The following CDC42BPA variants were observed in gnomAD, a reference collection of about 807,000 sequenced individuals.
CDC42BPA encodes the protein CDC42 binding protein kinase alpha, also known as serine/threonine-protein kinase MRCK alpha.
CDC42BPA carries 80 observed loss-of-function variants against 223.5 expected under a neutral mutation model. That is an observed-to-expected ratio of 0.36 (90% CI 0.30 to 0.43). The LOEUF (loss-of-function observed/expected upper bound fraction) is 0.43. CDC42BPA is among the 20% of genes least tolerant of loss of function. The pLI is 1.00. For missense variants in CDC42BPA, 1,743 were observed against 2,099.9 expected (o/e 0.83, Z 3.32); for synonymous variants, 694 against 718.6 (o/e 0.97, Z 0.55).
At chr1:227,015,869 CTGATT>C (rs1666128757) in intron 34 of CDC42BPA, among the ~76,000 whole-genome samples, 1 of 152,124 alleles carries the variant, frequency 6.6e-6, no homozygotes, top group Non-Finnish European at 1.5e-5. Context: ...AAGTAAGAAC[CTGATT>C]TGTTTGGCTT....
At chr1:227,007,022 G>GA (rs1215748485) in intron 34 of CDC42BPA, among the ~76,000 whole-genome samples, 2 of 152,006 alleles carry the variant, frequency 1.3e-5, no homozygotes, top group African/African-American at 4.8e-5. Context: ...GTGGTGGGGG[G>GA]ATCACAAATT....
chr1:227,181,761 C>A (rs1014708477), intron 5 of CDC42BPA, among the ~76,000 whole-genome samples: 1 of 152,034 alleles, frequency 6.6e-6, no homozygotes, highest in African/African-American at 2.4e-5. Context: ...AATGAATTTA[C>A]AAAATTAAAA....
rs372549753 is a variant in CDC42BPA, at chr1:227,000,610, G to C, written c.4975+4384C>G. On this transcript the variant is annotated intron_variant, in intron 35 of 36. Transcript: ENST00000366766. ...GGAACAACTCACCACTCAATGCATG[G>C]AGAGTAACATGCAAGACAGAAGGTG... Among the ~76,000 whole-genome samples the C allele has an allele frequency of 4.6e-5, 7 of 152,244 alleles. No individual in the cohort carries two copies. The South Asian group carries it at 1.2e-3, about 27-fold the overall frequency.
At chr1:227,229,898 T>A (rs1293061276) in intron 2 of CDC42BPA, among the ~76,000 whole-genome samples, 7 of 152,230 alleles carry the variant, frequency 4.6e-5, no homozygotes, top group Admixed American at 3.9e-4. Context: ...TTCAGAAGTT[T>A]TACTGATTAT....
chr1:227,116,211 T>C (rs1392035720), intron 12 of CDC42BPA, among the ~76,000 whole-genome samples: 1 of 152,226 alleles, frequency 6.6e-6, no homozygotes, highest in Non-Finnish European at 1.5e-5. Context: ...CACAGTATTA[T>C]AAGAAATTTG....
intron 14 of CDC42BPA, among the ~76,000 whole-genome samples, chr1:227,110,630 T>C (rs1175093621): frequency 6.6e-6 from 1 of 152,200 alleles, no homozygotes; most frequent in Non-Finnish European, 1.5e-5. Context: ...TGTACTTTAT[T>C]ATTCTTATCA....
At chr1:227,052,956 C>T (rs1464996379) in intron 21 of CDC42BPA, among the ~76,000 whole-genome samples, 1 of 152,062 alleles carries the variant, frequency 6.6e-6, no homozygotes, top group Admixed American at 6.6e-5. Context: ...CCCTTGTACT[C>T]AAAACTAAGT....
intron 5 of CDC42BPA, among the ~76,000 whole-genome samples, chr1:227,175,123 T>C (rs1180626214): frequency 2.6e-5 from 4 of 152,338 alleles, no homozygotes; most frequent in African/African-American, 9.6e-5. Context: ...GATAAATAAT[T>C]TGATTATCAG....
At chr1:227,175,424 G>A (rs1012184700) in intron 5 of CDC42BPA, among the ~76,000 whole-genome samples, 3 of 151,206 alleles carry the variant, frequency 2.0e-5, no homozygotes, top group African/African-American at 7.3e-5. Flanking sequence ...CAAACTTGAA[G>A]TCTAATTTAA....
At chr1:227,275,124 T>C (rs1686696564) in intron 1 of CDC42BPA, among the ~76,000 whole-genome samples, 1 of 152,104 alleles carries the variant, frequency 6.6e-6, no homozygotes, top group Non-Finnish European at 1.5e-5. Flanking sequence ...CATTTTTAAA[T>C]CTTAAATACT....
chr1:227,268,339 A>G (rs1344565869), intron 1 of CDC42BPA, among the ~76,000 whole-genome samples: 1 of 152,134 alleles, frequency 6.6e-6, no homozygotes, highest in African/African-American at 2.4e-5. Flanking sequence ...CCTTTACAGA[A>G]AAAGTTTGCC....
intron 1 of CDC42BPA, among the ~76,000 whole-genome samples, chr1:227,281,159 A>C (rs1687953872): frequency 6.6e-6 from 1 of 152,228 alleles, no homozygotes; most frequent in South Asian, 2.1e-4. Flanking sequence ...CAAACTGAGA[A>C]AGTTAGCCTA....
intron 35 of CDC42BPA, among the ~76,000 whole-genome samples, chr1:227,003,743 TTCTC>T (rs1251861223): frequency 6.6e-6 from 1 of 152,156 alleles, no homozygotes; most frequent in Non-Finnish European, 1.5e-5. Flanking sequence ...GCACAGTTTT[TTCTC>T]TCTATGGTCC....
intron 3 of CDC42BPA, among the ~76,000 whole-genome samples, chr1:227,207,410 A>G (rs1672972167): frequency 7.3e-6 from 1 of 137,818 alleles, no homozygotes; most frequent in Non-Finnish European, 1.5e-5. Flanking sequence ...ACATGTGCAC[A>G]TTGTGCAGGT....
chr1:227,186,783 G>C (rs1668843418), intron 5 of CDC42BPA, among the ~76,000 whole-genome samples: 1 of 152,184 alleles, frequency 6.6e-6, no homozygotes, highest in Admixed American at 6.5e-5. Context: ...TAGGCCCAGA[G>C]AGACATGAAT....
chr1:226,998,862 T>C (rs1003356995), intron 35 of CDC42BPA, among the ~76,000 whole-genome samples: 9 of 152,028 alleles, frequency 5.9e-5, no homozygotes, highest in Non-Finnish European at 1.2e-4. Context: ...ACAGGCAACC[T>C]ACAGAATGGG....
intron 10 of CDC42BPA, among the ~76,000 whole-genome samples, chr1:227,132,509 G>C (rs1657371860): frequency 7.3e-6 from 1 of 137,566 alleles, no homozygotes; most frequent in Non-Finnish European, 1.6e-5. Flanking sequence ...CGCCTGCCTT[G>C]GCCTCCCAAA....
intron 22 of CDC42BPA, among the ~76,000 whole-genome samples, chr1:227,050,015 A>G (rs1673216319): frequency 6.6e-6 from 1 of 152,200 alleles, no homozygotes; most frequent in Admixed American, 6.5e-5. Context: ...AAATCTGACT[A>G]TTTTAAAATC....
chr1:227,112,372 C>T lies in CDC42BPA; in HGVS notation c.1941G>A (p.Lys647=). ...ALAAEASKDR[K]LREQSEHYSK... ...AATAGTGCTCACTCTGTTCACGTAG[C>T]TTCCTGTCTTTAGATGCTTCAGCAG... Residue 647 remains lysine (K), a synonymous_variant, in exon 14 of 37, where the codon AAG becomes AAA. Coordinates refer to ENST00000366766, the MANE Select transcript of CDC42BPA (RefSeq NM_001394014.1). 4.4e-6 allele frequency: 7 copies of T among 1,608,792 alleles called. No individual in the cohort carries two copies. The highest frequency in any genetic ancestry group is 5.9e-6 in the Non-Finnish European group (7 of 1,177,576).
Sources: allele counts gnomAD v4.1 joint callset (sites outside exome capture counted in the v4.1 genomes callset), GRCh38; gene constraint gnomAD v4.1.1; transcripts MANE v1.5; gene names NCBI Gene and HGNC (gene_info 2026-07-23, HGNC 2026-07-21).